Variants in CALCOCO2 observed in about 807,000 individuals in gnomAD.
CALCOCO2 encodes calcium-binding and coiled-coil domain-containing protein 2.
A neutral mutation model predicts 62.5 loss-of-function variants in CALCOCO2; 42 were observed. That is an observed-to-expected ratio of 0.67 (90% confidence interval 0.53 to 0.87). CALCOCO2 has a LOEUF of 0.87. CALCOCO2 is among the 40% of genes least tolerant of loss of function. The probability of loss-of-function intolerance (pLI) is 0.00; values close to 1 mark genes in which losing one functional copy is unlikely to be tolerated. For missense variants in CALCOCO2, 456 were observed against 515.0 expected, an observed-to-expected ratio of 0.89 and a Z score of 1.11; for synonymous variants, 167 against 173.0, an observed-to-expected ratio of 0.97 and a Z score of 0.27.
At chr17:48,833,743 C>T (rs2039850066) in intron 1 of CALCOCO2, among the ~76,000 whole-genome samples, 1 of 152,040 alleles carries the variant, frequency 6.6e-6, no homozygotes, top group East Asian at 1.9e-4. Flanking sequence ...TATATGCCCA[C>T]TGGTATAAAA....
rs781467944 is a variant in CALCOCO2, at chr17:48,848,308, T to G, written c.284-14T>G. 9 of 1,609,600 alleles carry G rather than the reference T, an allele frequency of 5.6e-6. No homozygotes were observed. In the South Asian group the frequency reaches 9.9e-5, roughly 18 times the overall value. On this transcript the variant is annotated splice_polypyrimidine_tract_variant and intron_variant, in intron 3 of 12. Transcript: ENST00000258947. Reference sequence around the variant, plus strand: ...AGATCTTATTTTGGATGAAAAATTATGTTGTGTTTTCAGCTTACTACCTGC... The same window carrying G: ...AGATCTTATTTTGGATGAAAAATTAGGTTGTGTTTTCAGCTTACTACCTGC...
At chr17:48,856,281 G>A (rs2143653836) in intron 10 of CALCOCO2, 94 bp downstream of exon 10, 1 of 650,784 alleles carries the variant, frequency 1.5e-6, no homozygotes, top group Admixed American at 2.7e-5. Flanking sequence ...AAAGTTAAGG[G>A]CCCTTTCTGG....
chr17:48,860,500 C>A, intron 11 of CALCOCO2, 51 bp downstream of exon 11: 1 of 1,575,694 alleles, frequency 6.3e-7, no homozygotes, highest in Non-Finnish European at 8.7e-7. Context: ...GCATCCCTTT[C>A]CCCTACTAAA....
At chr17:48,834,269 T>G (rs1175390369) in intron 1 of CALCOCO2, among the ~76,000 whole-genome samples, 1 of 152,116 alleles carries the variant, frequency 6.6e-6, no homozygotes, top group Non-Finnish European at 1.5e-5. Context: ...CAGGTTTTCT[T>G]GGAAGCTAGG....
chr17:48,862,180 A>T, intron 11 of CALCOCO2, 96 bp from the exon 12 acceptor site: 3 of 838,992 alleles, frequency 3.6e-6, no homozygotes, highest in South Asian at 1.3e-5. Context: ...GGAGAAAGGG[A>T]ACAATGAAAG....
intron 7 of CALCOCO2, among the ~76,000 whole-genome samples, chr17:48,851,996 C>T (rs2040139100): frequency 6.6e-6 from 1 of 151,902 alleles, no homozygotes; most frequent in African/African-American, 2.4e-5. Flanking sequence ...GCTGGGCGTG[C>T]TAATTTACAG....
At chr17:48,836,601 T>C (rs59236691) in intron 1 of CALCOCO2, among the ~76,000 whole-genome samples, 1,828 of 152,108 alleles carry the variant, frequency 0.012, 37 homozygotes, top group South Asian at 0.097. Flanking sequence ...GGAAAAGAAA[T>C]GGGGATAAGG....
At chr17:48,836,441 AC>A (rs1229360316) in intron 1 of CALCOCO2, among the ~76,000 whole-genome samples, 1 of 152,246 alleles carries the variant, frequency 6.6e-6, no homozygotes, top group Non-Finnish European at 1.5e-5. Flanking sequence ...AGTCACCCTT[AC>A]CATTGTTTAC....
intron 10 of CALCOCO2, among the ~76,000 whole-genome samples, chr17:48,859,533 T>C (rs948818825): frequency 2.6e-5 from 4 of 151,562 alleles, no homozygotes; most frequent in Non-Finnish European, 4.4e-5. Context: ...GCCCATGAGT[T>C]CAAGGCTGCA....
chr17:48,837,662 A>G (rs1390864669), intron 1 of CALCOCO2, among the ~76,000 whole-genome samples: 1 of 152,062 alleles, frequency 6.6e-6, no homozygotes, highest in East Asian at 1.9e-4. Flanking sequence ...AAAAATGGAA[A>G]GAAAAACTTT....
intron 10 of CALCOCO2, 47 bp from the exon 11 acceptor site, chr17:48,860,267 A>G: frequency 6.4e-7 from 1 of 1,573,762 alleles, no homozygotes; most frequent in Non-Finnish European, 8.7e-7. Context: ...CCTGGTGGCC[A>G]TTCTTGGTAT....
At chr17:48,854,315 C>CAA (rs1306014209) in intron 9 of CALCOCO2, among the ~76,000 whole-genome samples, 4,685 of 30,404 alleles carry the variant, frequency 0.15, 837 homozygotes, top group East Asian at 0.44. Flanking sequence ...GACTCCGTCT[C>CAA]AAAAAAAAAA....
At chr17:48,833,518 C>T (rs1378458133) in intron 1 of CALCOCO2, among the ~76,000 whole-genome samples, 1 of 146,436 alleles carries the variant, frequency 6.8e-6, no homozygotes, top group African/African-American at 2.5e-5. Flanking sequence ...CTGCACTCCA[C>T]CCTGGGCAAC....
At chr17:48,858,039 GAATA>G (rs2040258697) in intron 10 of CALCOCO2, among the ~76,000 whole-genome samples, 4 of 21,646 alleles carry the variant, frequency 1.8e-4, no homozygotes, top group South Asian at 1.8e-3. Flanking sequence ...GAATAGAATA[GAATA>G]GAAAATAGAA....
intron 2 of CALCOCO2, among the ~76,000 whole-genome samples, chr17:48,844,567 G>A (rs766706105): frequency 5.3e-5 from 8 of 151,986 alleles, no homozygotes; most frequent in Non-Finnish European, 1.2e-4. Flanking sequence ...CGATTCTCCT[G>A]CCTCAGCCTC....
chr17:48,856,469 A>T, intron 10 of CALCOCO2: 1 of 476,260 alleles, frequency 2.1e-6, no homozygotes, highest in South Asian at 1.6e-5. Flanking sequence ...TTCACAGCTA[A>T]TATATGTTGC....
At chr17:48,837,481 C>G in intron 1 of CALCOCO2, among the ~76,000 whole-genome samples, 1 of 151,974 alleles carries the variant, frequency 6.6e-6, no homozygotes, top group South Asian at 2.1e-4. Flanking sequence ...CCCCTCTGTA[C>G]TAAAAATACA....
At chr17:48,843,797 A>G (rs2040007137) in intron 2 of CALCOCO2, 1 of 152,234 alleles carries the variant, frequency 6.6e-6, no homozygotes, top group South Asian at 2.1e-4. Context: ...CTGTAGCTTC[A>G]CTGTCTAGTA....
chr17:48,854,396 A>ATATATATATATATATATATAT (rs1567757320), intron 9 of CALCOCO2, among the ~76,000 whole-genome samples: 2 of 1,920 alleles, frequency 1.0e-3, no homozygotes, highest in African/African-American at 1.6e-3. Flanking sequence ...ATATATATAT[A>ATATATATATATATATATATAT]TTTTTTTTTT....
Sources: allele counts gnomAD v4.1 joint callset (sites outside exome capture counted in the v4.1 genomes callset), GRCh38; gene constraint gnomAD v4.1.1; transcripts MANE v1.5; gene names NCBI Gene and HGNC (gene_info 2026-07-23, HGNC 2026-07-21).